Variants in MARCHF1 observed in about 807,000 individuals in gnomAD.
MARCHF1 encodes the protein membrane associated ring-CH-type finger 1.
In MARCHF1, 40 loss-of-function variants were observed where a neutral mutation model predicts 54.2. That is an observed-to-expected ratio of 0.74 (90% CI 0.57 to 0.96). The LOEUF is 0.96. Among genes scored for constraint, MARCHF1 ranks in the 40% least tolerant of loss-of-function variants. The pLI, the probability that MARCHF1 is intolerant of heterozygous loss-of-function variation, is 0.00. For missense variants in MARCHF1, 586 were observed against 656.5 expected, an observed-to-expected ratio of 0.89 and a Z score of 1.17; for synonymous variants, 236 against 236.3, an observed-to-expected ratio of 1.00 and a Z score of 0.01.
At chr4:163,870,594 GA>G (rs1230169617) in intron 3 of MARCHF1, among the ~76,000 whole-genome samples, 1 of 152,066 alleles carries the variant, frequency 6.6e-6, no homozygotes, top group Non-Finnish European at 1.5e-5. Flanking sequence ...TGAATTCAGG[GA>G]AACTGTCAGT....
chr4:163,890,340 G>C (rs1450869491), intron 3 of MARCHF1, among the ~76,000 whole-genome samples: 2 of 149,388 alleles, frequency 1.3e-5, no homozygotes, highest in East Asian at 4.0e-4. Context: ...AATATTCCAG[G>C]CAGCTTTGAA....
At chr4:163,677,180 A>G (rs966657717) in intron 5 of MARCHF1, among the ~76,000 whole-genome samples, 11 of 152,222 alleles carry the variant, frequency 7.2e-5, no homozygotes, top group Non-Finnish European at 2.9e-5. Context: ...AGCAGACAAA[A>G]AATAAGCAAT....
At chr4:164,100,955 G>C (rs560720430) in intron 2 of MARCHF1, among the ~76,000 whole-genome samples, 2 of 152,344 alleles carry the variant, frequency 1.3e-5, no homozygotes, top group East Asian at 1.9e-4. Context: ...CTTGGGAAGC[G>C]CAAGAGGTCA....
intron 4 of MARCHF1, among the ~76,000 whole-genome samples, chr4:163,732,718 A>T (rs1302743448): frequency 6.6e-6 from 1 of 152,214 alleles, no homozygotes; most frequent in Non-Finnish European, 1.5e-5. Context: ...CAACAGTTTT[A>T]CAGTAACAAA....
chr4:164,202,861 A>G (rs976658862), intron 1 of MARCHF1, among the ~76,000 whole-genome samples: 7 of 152,224 alleles, frequency 4.6e-5, no homozygotes, highest in African/African-American at 1.7e-4. Context: ...TAGTGGGACA[A>G]TATTTTGAGG....
intron 1 of MARCHF1, among the ~76,000 whole-genome samples, chr4:164,239,724 T>A (rs1732671294): frequency 6.6e-6 from 1 of 152,184 alleles, no homozygotes. Context: ...AGCATTAATG[T>A]TAAACTTGAT....
At chr4:164,043,741 C>T (rs1220852179) in intron 2 of MARCHF1, among the ~76,000 whole-genome samples, 1 of 152,170 alleles carries the variant, frequency 6.6e-6, no homozygotes, top group Admixed American at 6.6e-5. Context: ...AACTTTTATG[C>T]TCCCCTTCCC....
At chr4:163,734,186 G>A (rs560514386) in intron 4 of MARCHF1, among the ~76,000 whole-genome samples, 5 of 152,284 alleles carry the variant, frequency 3.3e-5, no homozygotes, top group South Asian at 2.1e-4. Flanking sequence ...ACAAGTGTTG[G>A]CAAGATAGGG....
intron 3 of MARCHF1, among the ~76,000 whole-genome samples, chr4:163,937,694 G>T (rs184451929): frequency 6.6e-6 from 1 of 152,178 alleles, no homozygotes; most frequent in East Asian, 1.9e-4. Flanking sequence ...GCCAACCAGT[G>T]CAATAACTTG....
intron 1 of MARCHF1, among the ~76,000 whole-genome samples, chr4:164,251,886 G>A (rs1733138794): frequency 6.6e-6 from 1 of 151,994 alleles, no homozygotes; most frequent in Non-Finnish European, 1.5e-5. Flanking sequence ...AAATAATTAA[G>A]TAATTGTATA....
chr4:163,626,695 G>A (rs767966158), intron 5 of MARCHF1, among the ~76,000 whole-genome samples: 7 of 152,206 alleles, frequency 4.6e-5, no homozygotes, highest in South Asian at 4.2e-4. Context: ...TTGGGAGGCC[G>A]AGGCGGGTGG....
chr4:163,975,184 T>TCA (rs1340438965), intron 3 of MARCHF1, among the ~76,000 whole-genome samples: 193 of 134,894 alleles, frequency 1.4e-3, no homozygotes, highest in African/African-American at 6.4e-3. Flanking sequence ...TCTCTCTCTC[T>TCA]CTCTCTCTCT....
At chr4:163,627,779 ACAATTATGGT>A (rs1174537479) in intron 5 of MARCHF1, among the ~76,000 whole-genome samples, 1 of 152,300 alleles carries the variant, frequency 6.6e-6, no homozygotes, top group African/African-American at 2.4e-5. Context: ...ATAGATCCAC[ACAATTATGGT>A]CAATTAATTT....
At chr4:163,543,014 G>A (rs1439387119) in intron 9 of MARCHF1, among the ~76,000 whole-genome samples, 1 of 152,166 alleles carries the variant, frequency 6.6e-6, no homozygotes, top group Non-Finnish European at 1.5e-5. Context: ...AGCTGAGCAA[G>A]GGCCTGGATA....
At chr4:163,618,394 T>G (rs1473310056) in intron 5 of MARCHF1, among the ~76,000 whole-genome samples, 2 of 152,118 alleles carry the variant, frequency 1.3e-5, no homozygotes, top group Admixed American at 1.3e-4. Context: ...AGTGGATGGA[T>G]GTTCTAGCCT....
intron 3 of MARCHF1, among the ~76,000 whole-genome samples, chr4:163,887,116 T>C (rs1297231341): frequency 6.6e-6 from 1 of 152,076 alleles, no homozygotes; most frequent in Non-Finnish European, 1.5e-5. Flanking sequence ...AAACTGAGAT[T>C]TTAGTAGGAA....
intron 1 of MARCHF1, among the ~76,000 whole-genome samples, chr4:164,330,970 A>C (rs1735419969): frequency 6.6e-6 from 1 of 152,212 alleles, no homozygotes; most frequent in South Asian, 2.1e-4. Context: ...AAGCACATCC[A>C]TTCCTGAATT....
At chr4:164,236,072 G>T (rs1173227149) in intron 1 of MARCHF1, among the ~76,000 whole-genome samples, 1 of 151,926 alleles carries the variant, frequency 6.6e-6, no homozygotes, top group African/African-American at 2.4e-5. Flanking sequence ...ATGTCCTAAG[G>T]ATTCTAATTT....
At chr4:163,644,537 C>T (rs976131252) in intron 5 of MARCHF1, among the ~76,000 whole-genome samples, 5 of 152,146 alleles carry the variant, frequency 3.3e-5, no homozygotes, top group Admixed American at 3.3e-4. Context: ...GACTTGCCAA[C>T]CTTGGTCCCA....
Sources: allele counts gnomAD v4.1 joint callset (sites outside exome capture counted in the v4.1 genomes callset), GRCh38; gene constraint gnomAD v4.1.1; transcripts MANE v1.5; gene names NCBI Gene and HGNC (gene_info 2026-07-23, HGNC 2026-07-21).